KYNU: variants seen among roughly 807,000 people sequenced by gnomAD.
The protein encoded by KYNU is L-kynurenine hydrolase.
A neutral mutation model predicts 59.2 loss-of-function variants in KYNU; 54 were observed. The observed-to-expected ratio is 0.91, with a 90% CI of 0.73 to 1.14. KYNU has a LOEUF of 1.14. KYNU is among the 50% of genes most tolerant of loss of function. The pLI, the probability that KYNU is intolerant of heterozygous loss-of-function variation, is 0.00. For missense variants in KYNU, 567 were observed against 554.4 expected (o/e 1.02, Z -0.23); for synonymous variants, 177 against 192.0 (o/e 0.92, Z 0.65).
intron 12 of KYNU, 120 bp from the exon 13 acceptor site, chr2:143,040,308 G>A (rs1687004447): frequency 2.8e-6 from 2 of 712,082 alleles, no homozygotes; most frequent in African/African-American, 1.8e-5. Context: ...TTATGTAAAG[G>A]GAGATATTTA....
intron 1 of KYNU, among the ~76,000 whole-genome samples, chr2:142,881,937 T>G (rs1003711146): frequency 9.6e-6 from 1 of 104,222 alleles, no homozygotes; most frequent in East Asian, 2.7e-4. Context: ...TTTTTTTTTG[T>G]AGAGATGACA....
intron 10 of KYNU, among the ~76,000 whole-genome samples, chr2:143,007,176 G>A (rs1282442026): frequency 5.3e-5 from 8 of 151,046 alleles, no homozygotes; most frequent in East Asian, 3.9e-4. Context: ...TTAGAAGAAT[G>A]TATAACTAGA....
At chr2:142,974,359 A>C (rs1480664151) in intron 8 of KYNU, among the ~76,000 whole-genome samples, 5 of 152,224 alleles carry the variant, frequency 3.3e-5, no homozygotes, top group African/African-American at 1.2e-4. Flanking sequence ...TCAGCACTTT[A>C]CATAAAATAA....
intron 2 of KYNU, among the ~76,000 whole-genome samples, chr2:142,887,654 C>A (rs1681564400): frequency 6.6e-6 from 1 of 152,050 alleles, no homozygotes; most frequent in Non-Finnish European, 1.5e-5. Flanking sequence ...GTGAAATAAT[C>A]CAGACGCAAA....
intron 10 of KYNU, among the ~76,000 whole-genome samples, chr2:143,005,448 T>C (rs1441724449): frequency 6.6e-6 from 1 of 151,416 alleles, no homozygotes; most frequent in East Asian, 2.0e-4. Flanking sequence ...GGAAAGAAAA[T>C]AGTCTGGCCC....
At chr2:142,961,169 G>A (rs768971249) in intron 8 of KYNU, among the ~76,000 whole-genome samples, 7 of 150,486 alleles carry the variant, frequency 4.7e-5, no homozygotes, top group African/African-American at 7.4e-5. Context: ...CTCCAGCCTG[G>A]GCAACAGAGC....
At chr2:142,947,398 C>A (rs368645462) in intron 4 of KYNU, 2 of 644,180 alleles carry the variant, frequency 3.1e-6, no homozygotes, top group Non-Finnish European at 5.1e-6. Flanking sequence ...TTGAAGACAT[C>A]GGAATAAAAG....
At chr2:142,934,128 G>T (rs1683311381) in intron 4 of KYNU, among the ~76,000 whole-genome samples, 1 of 152,196 alleles carries the variant, frequency 6.6e-6, no homozygotes, top group Non-Finnish European at 1.5e-5. Flanking sequence ...TAAAAGGGGA[G>T]TTTGTTGGGT....
At position 143,031,226 on chromosome 2, in the gene KYNU, A is replaced by T. The variant is rs192159323; in HGVS notation, c.955+1547A>T. On this transcript the variant is annotated intron_variant, in intron 11 of 13. Transcript: ENST00000264170. ...ATACCAGTTATTTAAATTCTTTGAG[A>T]TGGGTTTTCTTATTTGGAAATAAAG... Among the ~76,000 whole-genome samples the T allele has an allele frequency of 6.6e-5, 10 of 152,202 alleles. No homozygotes were observed. In the East Asian group the frequency reaches 1.9e-3, roughly 29 times the overall value.
At chr2:142,982,314 A>G (rs977360154) in intron 8 of KYNU, among the ~76,000 whole-genome samples, 20 of 152,118 alleles carry the variant, frequency 1.3e-4, no homozygotes, top group Admixed American at 1.3e-3. Flanking sequence ...ATTCATGTTC[A>G]TGTACAAAGT....
chr2:142,966,616 A>G (rs986108146), intron 8 of KYNU, among the ~76,000 whole-genome samples: 5 of 102,478 alleles, frequency 4.9e-5, no homozygotes, highest in African/African-American at 1.9e-4. Flanking sequence ...TGTGTAGATC[A>G]GGAAGACACA....
intron 3 of KYNU, among the ~76,000 whole-genome samples, chr2:142,919,737 C>T (rs1367995832): frequency 6.6e-6 from 1 of 152,098 alleles, no homozygotes; most frequent in African/African-American, 2.4e-5. Flanking sequence ...AGTTTGAGAC[C>T]AGCCTGGCCA....
At chr2:142,952,444 T>C (rs1684023044) in intron 4 of KYNU, among the ~76,000 whole-genome samples, 1 of 152,150 alleles carries the variant, frequency 6.6e-6, no homozygotes, top group Admixed American at 6.5e-5. Context: ...TCTTTGTTTT[T>C]GTTTTTGCTT....
chr2:142,947,808 T>C (rs540828240), intron 4 of KYNU: 2 of 152,616 alleles, frequency 1.3e-5, no homozygotes, highest in South Asian at 2.1e-4. Flanking sequence ...TTCTCCCTTT[T>C]GCTGGCATCA....
At chr2:142,927,353 T>C (rs1012752829) in intron 3 of KYNU, among the ~76,000 whole-genome samples, 3 of 152,064 alleles carry the variant, frequency 2.0e-5, no homozygotes, top group African/African-American at 7.2e-5. Context: ...TCAAATAATC[T>C]TAAAAATTGC....
At chr2:142,970,704 C>T (rs1684693781) in intron 8 of KYNU, among the ~76,000 whole-genome samples, 1 of 152,162 alleles carries the variant, frequency 6.6e-6, no homozygotes, top group East Asian at 1.9e-4. Flanking sequence ...CATCGTGTTT[C>T]TCCCACAGGA....
intron 1 of KYNU, among the ~76,000 whole-genome samples, chr2:142,878,475 T>C (rs1681178531): frequency 6.6e-6 from 1 of 152,166 alleles, no homozygotes; most frequent in African/African-American, 2.4e-5. Context: ...TTTTTCCTTT[T>C]TTCTTTACTA....
intron 10 of KYNU, among the ~76,000 whole-genome samples, chr2:143,003,665 T>C (rs76084327): frequency 1.3e-5 from 2 of 152,172 alleles, no homozygotes; most frequent in South Asian, 2.1e-4. Context: ...TAATTTTGCT[T>C]GTCTACAGAA....
chr2:143,045,740 T>C lies in KYNU; in HGVS notation c.*3568T>C, dbSNP rs1046896256. On this transcript the variant is annotated 3_prime_UTR_variant, in exon 14 of 14. Transcript: ENST00000264170. ...GTCTCAAACTCCTGGGCTCAAATGA[T>C]CCTCCTACCTTAACCTCCTGAGTAG... 6 of 152,126 alleles carry C rather than the reference T, an allele frequency of 3.9e-5. No individual in the cohort carries two copies. The highest frequency in any genetic ancestry group is 1.4e-4 in the African/African-American group (6 of 41,438). The allele number at this position is 152,126 out of a possible 1,614,324, so 9.4% of individuals were successfully genotyped here.
Sources: gnomAD v4.1 joint callset for allele counts (sites outside exome capture counted in the v4.1 genomes callset) on GRCh38, gnomAD v4.1.1 for gene constraint, MANE v1.5 for transcripts, NCBI Gene and HGNC (gene_info 2026-07-23, HGNC 2026-07-21) for gene names.